HECW2: variants seen among roughly 807,000 people sequenced by gnomAD.
The protein encoded by HECW2 is E3 ubiquitin-protein ligase HECW2.
In HECW2, 61 loss-of-function variants were observed where a neutral mutation model predicts 175.2. That is an observed-to-expected ratio of 0.35 (90% CI 0.28 to 0.43). The LOEUF is 0.43. HECW2 is among the 20% of genes least tolerant of loss of function. The probability of loss-of-function intolerance (pLI) is 1.00; values close to 1 mark genes in which losing one functional copy is unlikely to be tolerated. For missense variants in HECW2, 1,524 were observed against 2,000.5 expected, an observed-to-expected ratio of 0.76 and a Z score of 4.54; for synonymous variants, 671 against 731.0, an observed-to-expected ratio of 0.92 and a Z score of 1.32.
At chr2:196,341,618 G>C (rs1227886463) in intron 3 of HECW2, among the ~76,000 whole-genome samples, 1 of 152,156 alleles carries the variant, frequency 6.6e-6, no homozygotes, top group Non-Finnish European at 1.5e-5. Flanking sequence ...TGTGCTATTA[G>C]CTAGGATTCT....
At chr2:196,543,479 A>T (rs113792399) in intron 1 of HECW2, among the ~76,000 whole-genome samples, 1 of 152,178 alleles carries the variant, frequency 6.6e-6, no homozygotes, top group East Asian at 1.9e-4. Context: ...TAAATTATTG[A>T]TCTTATTATA....
chr2:196,464,959 T>C (rs1696892592), intron 1 of HECW2, among the ~76,000 whole-genome samples: 1 of 152,122 alleles, frequency 6.6e-6, no homozygotes. Context: ...GGAGAATCGC[T>C]TGAACCCAGG....
chr2:196,416,110 T>C (rs6434851), intron 2 of HECW2, among the ~76,000 whole-genome samples: 144,306 of 152,314 alleles, frequency 0.95, 68,468 homozygotes, highest in East Asian at 1. Context: ...TTTTAGCTTA[T>C]AGACACTTGC....
rs1040421945 is a variant in HECW2, at chr2:196,319,693, T to C, written c.1197A>G (p.Leu399=). The change falls in exon 9 of 29, where the codon TTA becomes TTG. Residue 399 remains leucine, a synonymous_variant. Transcript: ENST00000644978. ...GTGAGGTCCTTGAAGACGTAGAGGT[T>C]AATTCCTCTGTGTCTATTTCCAGAG... ...SSTLEIDTEE[L]TSTSSRTSPP... is the part of the protein sequence containing the mutation. The C allele has an allele frequency of 3.1e-6, 5 of 1,614,062 alleles. No homozygotes were observed. In the African/African-American group the frequency reaches 6.7e-5, roughly 22 times the overall value.
chr2:196,578,156 AAT>A (rs1382632561), intron 1 of HECW2, among the ~76,000 whole-genome samples: 1 of 152,188 alleles, frequency 6.6e-6, no homozygotes, highest in Non-Finnish European at 1.5e-5. Flanking sequence ...AAAGAATATC[AAT>A]ATAAAGAAAA....
rs1213635047 is a variant in HECW2 at position 196,253,998 on chromosome 2, G to A, written c.3451C>T (p.Pro1151Ser). 6.2e-7 allele frequency: 1 copy of A among 1,613,974 alleles called. No homozygotes were observed. The highest frequency in any genetic ancestry group is 1.3e-5 in the African/African-American group (1 of 75,038). ...LFEEEIMSYV[P>S]PHALLHPSYC... ...CTGGGGTGGAGTAAGGCATGTGGAG[G>A]CACATACGACATTATCTCTTCTTCA... Residue 1151 changes from proline to serine, a missense_variant, in exon 19 of 29, where the codon CCT (proline) becomes TCT (serine). By Grantham distance (74) the Pro-to-Ser change is moderately conservative. This residue lies in a region of HECW2 where 291 missense variants were observed against 412.2 expected (regional missense o/e 0.71). Transcript: ENST00000644978.
chr2:196,332,147 G>C (rs1692387735), intron 4 of HECW2, among the ~76,000 whole-genome samples: 1 of 151,746 alleles, frequency 6.6e-6, no homozygotes, highest in Non-Finnish European at 1.5e-5. Flanking sequence ...TGAGAAAAGA[G>C]ACCACATGAT....
At chr2:196,381,189 A>T (rs1694197732) in intron 2 of HECW2, among the ~76,000 whole-genome samples, 1 of 152,200 alleles carries the variant, frequency 6.6e-6, no homozygotes, top group Non-Finnish European at 1.5e-5. Flanking sequence ...CCCTTAAGAC[A>T]CTGTTCTGTG....
rs770669991 is a variant in HECW2 at position 196,215,882 on chromosome 2, T to A, written c.4590A>T (p.Lys1530Asn). The A allele has an allele frequency of 7.4e-6, 12 of 1,611,274 alleles. No homozygotes were observed. In the Middle Eastern group the frequency reaches 6.6e-4, roughly 89 times the overall value. ...TATTTTACCTGGGAAGAGCAGTGAT[T>A]TTCCCCCATTTCTCCACACAGAATC... is the stretch of plus-strand genomic sequence containing the variant. The part of the protein sequence containing the change: ...PRRFCVEKWG[K>N]ITALPRAHTC... The change falls in exon 28 of 29, where the codon AAA (lysine) becomes AAT (asparagine). Residue 1530 changes from lysine (K) to asparagine (N), a missense_variant. Coordinates refer to ENST00000644978, the MANE Select transcript of HECW2 (RefSeq NM_001348768.2).
At chr2:196,460,544 T>C (rs1173170819) in intron 1 of HECW2, among the ~76,000 whole-genome samples, 2 of 151,404 alleles carry the variant, frequency 1.3e-5, no homozygotes, top group African/African-American at 4.8e-5. Context: ...GCAGAGAACA[T>C]ATAATTTCTG....
intron 17 of HECW2, chr2:196,264,246 T>C (rs1487502621): frequency 2.0e-5 from 3 of 152,212 alleles, no homozygotes; most frequent in Non-Finnish European, 4.4e-5. Flanking sequence ...TATTATTCTT[T>C]TGGGGTTGGG....
At chr2:196,439,656 A>G (rs1695983513) in intron 1 of HECW2, among the ~76,000 whole-genome samples, 1 of 152,232 alleles carries the variant, frequency 6.6e-6, no homozygotes, top group Non-Finnish European at 1.5e-5. Flanking sequence ...AGAGGAGACA[A>G]GAATTTAAGA....
chr2:196,278,667 G>A lies in HECW2; in HGVS notation c.3001-5C>T. On this transcript the variant is annotated splice_polypyrimidine_tract_variant and splice_region_variant and intron_variant, in intron 14 of 28. Transcript: ENST00000644978. ...GTTGTGGTCCACAAAGAATGCCTAG[G>A]ATACAATACACTGAGTCAAATACAT... is the stretch of plus-strand genomic sequence containing the variant. The A allele has an allele frequency of 1.2e-6, 2 of 1,613,944 alleles. No individual in the cohort carries two copies. Among genetic ancestry groups the A allele is most frequent in the Non-Finnish European group, 1.7e-6 (2 of 1,179,914 alleles).
intron 1 of HECW2, among the ~76,000 whole-genome samples, chr2:196,547,588 G>T (rs887167756): frequency 6.6e-6 from 1 of 152,204 alleles, no homozygotes; most frequent in African/African-American, 2.4e-5. Flanking sequence ...CTAACTAGTG[G>T]TGTGTATTAG....
At chr2:196,233,569 A>C (rs1345158387) in intron 21 of HECW2, among the ~76,000 whole-genome samples, 1 of 152,174 alleles carries the variant, frequency 6.6e-6, no homozygotes, top group Admixed American at 6.5e-5. Flanking sequence ...ATTCACCCTC[A>C]GATATTTATA....
intron 1 of HECW2, among the ~76,000 whole-genome samples, chr2:196,550,452 A>G (rs1448785358): frequency 2.0e-5 from 3 of 152,114 alleles, no homozygotes; most frequent in African/African-American, 7.2e-5. Flanking sequence ...GAAACATGAA[A>G]TTTTCATTGA....
rs774988397 is a variant in HECW2 at position 196,322,590 on chromosome 2, C to G, written c.772G>C (p.Val258Leu). The G allele has an allele frequency of 6.2e-7, 1 of 1,613,434 alleles. No individual in the cohort carries two copies. The highest frequency in any genetic ancestry group is 1.7e-5 in the Admixed American group (1 of 59,972). Residue 258 changes from valine (V) to leucine (L), a missense_variant, in exon 7 of 29, where the codon GTC becomes CTC. Physicochemically the swap from Val to Leu is conservative, Grantham distance 32. Coordinates refer to ENST00000644978, the MANE Select transcript of HECW2 (RefSeq NM_001348768.2). The part of the protein sequence containing the change: ...KYSFFALLTD[V>L]LEIEIKDKFA... The stretch of plus-strand genomic sequence containing the variant: ...TTGTCTTTAATTTCAATTTCTAAGA[C>G]ATCAGTAAGAAGTGCAAAAAAGGAA...
intron 1 of HECW2, among the ~76,000 whole-genome samples, chr2:196,551,479 G>A (rs560214792): frequency 6.6e-6 from 1 of 152,300 alleles, no homozygotes; most frequent in Non-Finnish European, 1.5e-5. Flanking sequence ...AAAATGGAAA[G>A]ACTGATATTC....
chr2:196,412,655 G>C (rs1330224938), intron 2 of HECW2, among the ~76,000 whole-genome samples: 1 of 152,208 alleles, frequency 6.6e-6, no homozygotes, highest in Non-Finnish European at 1.5e-5. Flanking sequence ...CATGTTCACA[G>C]TCCCCTTCAC....
Sources: allele counts gnomAD v4.1 joint callset (sites outside exome capture counted in the v4.1 genomes callset), GRCh38; gene constraint gnomAD v4.1.1; regional missense constraint gnomAD v4.1.1; transcripts MANE v1.5; gene names NCBI Gene and HGNC (gene_info 2026-07-23, HGNC 2026-07-21).